WBP2NL: variants seen among roughly 807,000 people sequenced by gnomAD.
WBP2NL encodes the protein postacrosomal sheath WW domain-binding protein.
In WBP2NL, 27 loss-of-function variants were observed where a neutral mutation model predicts 23.3. That is an observed-to-expected ratio of 1.16 (90% CI 0.85 to 1.60). WBP2NL has a LOEUF of 1.60. WBP2NL is among the 40% of genes most tolerant of loss of function. The pLI is 0.00. For missense variants in WBP2NL, 370 were observed against 389.5 expected, an observed-to-expected ratio of 0.95 and a Z score of 0.42; for synonymous variants, 151 against 145.9, an observed-to-expected ratio of 1.03 and a Z score of -0.25.
intron 8 of WBP2NL, among the ~76,000 whole-genome samples, chr22:42,053,345 A>G (rs981372576): frequency 6.6e-6 from 1 of 152,150 alleles, no homozygotes; most frequent in Non-Finnish European, 1.5e-5. Context: ...CTAAGAGTGA[A>G]TTGCTGGATC....
At chr22:42,037,850 A>AGTGT (rs145563548), downstream of WBP2NL, among the ~76,000 whole-genome samples, 816 of 143,806 alleles carry the variant, frequency 5.7e-3, 4 homozygotes, top group African/African-American at 7.1e-3. Context: ...AGAGAGTGAG[A>AGTGT]GTGTGTGTGT....
chr22:42,050,474 C>T (rs574874874), intron 8 of WBP2NL, among the ~76,000 whole-genome samples: 54 of 152,044 alleles, frequency 3.6e-4, no homozygotes, highest in Admixed American at 1.2e-3. Flanking sequence ...GACAAAACCC[C>T]GTCTCTACTA....
chr22:42,048,910 G>A (rs181744077), intron 8 of WBP2NL, among the ~76,000 whole-genome samples: 1 of 152,184 alleles, frequency 6.6e-6, no homozygotes, highest in Non-Finnish European at 1.5e-5. Context: ...TTCTTGCTAA[G>A]ATCAGGAATA....
intron 1 of WBP2NL, among the ~76,000 whole-genome samples, chr22:42,015,510 C>T (rs745313474): frequency 1.1e-4 from 16 of 151,970 alleles, no homozygotes; most frequent in Non-Finnish European, 2.1e-4. Flanking sequence ...TCAAGCAATT[C>T]TCCTGCCTCA....
At chr22:42,022,612 G>A (rs1280105442) in intron 5 of WBP2NL, among the ~76,000 whole-genome samples, 2 of 152,238 alleles carry the variant, frequency 1.3e-5, no homozygotes, top group African/African-American at 4.8e-5. Flanking sequence ...TTAGTGGGAA[G>A]GGTCACTTCC....
intron 1 of WBP2NL, among the ~76,000 whole-genome samples, chr22:42,013,170 C>T (rs1208212738): frequency 1.3e-5 from 2 of 151,626 alleles, no homozygotes; most frequent in African/African-American, 4.8e-5. Flanking sequence ...GCCGGGAGTT[C>T]GAGACCAGCC....
chr22:42,023,341 A>G (rs563338518), intron 5 of WBP2NL, among the ~76,000 whole-genome samples: 1 of 151,994 alleles, frequency 6.6e-6, no homozygotes, highest in Non-Finnish European at 1.5e-5. Context: ...CACAGGCGCA[A>G]TCCACCATGC....
intron 1 of WBP2NL, among the ~76,000 whole-genome samples, chr22:42,011,249 GT>G (rs905039915): frequency 2.0e-5 from 3 of 151,046 alleles, no homozygotes; most frequent in Admixed American, 6.6e-5. Flanking sequence ...TTGTTGAGAG[GT>G]TTTTTTTTCT....
At chr22:42,057,848 C>A (rs5996105) in intron 8 of WBP2NL, among the ~76,000 whole-genome samples, 19 of 77,430 alleles carry the variant, frequency 2.5e-4, no homozygotes, top group African/African-American at 1.1e-3. Flanking sequence ...TATATATATA[C>A]ACATATATGT....
At chr22:42,008,184 C>G (rs1242606251) in intron 1 of WBP2NL, among the ~76,000 whole-genome samples, 1 of 77,966 alleles carries the variant, frequency 1.3e-5, no homozygotes, top group Non-Finnish European at 2.7e-5. Context: ...CCTCCCTTCC[C>G]TCTCCCTCCC....
chr22:42,039,786 A>G (rs1265723397), intron 8 of WBP2NL, among the ~76,000 whole-genome samples: 11 of 151,978 alleles, frequency 7.2e-5, no homozygotes, highest in Admixed American at 7.2e-4. Flanking sequence ...TAAAAAGCCA[A>G]CTTAGTTTTT....
chr22:42,034,284 G>A (rs1037023702), downstream of WBP2NL, among the ~76,000 whole-genome samples: 7 of 152,170 alleles, frequency 4.6e-5, no homozygotes, highest in South Asian at 2.1e-4. Context: ...CCTAAGCGTC[G>A]GCTGACTTGA....
At chr22:42,035,514 T>C (rs1925149466), downstream of WBP2NL, among the ~76,000 whole-genome samples, 1 of 152,278 alleles carries the variant, frequency 6.6e-6, no homozygotes, top group Admixed American at 6.5e-5. Context: ...CCATGGAGCA[T>C]GCAGCCCTGG....
chr22:42,032,483 A>G (rs1047226245), downstream of WBP2NL: 1 of 231,158 alleles, frequency 4.3e-6, no homozygotes, highest in Non-Finnish European at 8.9e-6. Flanking sequence ...GGGTTTACCC[A>G]AAAGGTAATA....
chr22:42,008,088 C>CTTCCTTTCCTTTCCTTTTCCTTTCCT (rs1922424832), intron 1 of WBP2NL, among the ~76,000 whole-genome samples: 4 of 123,782 alleles, frequency 3.2e-5, no homozygotes, highest in Non-Finnish European at 5.1e-5. Flanking sequence ...CTCTTCTCCT[C>CTTCCTTTCCTTTCCTTTTCCTTTCCT]TTCCTTTCCT....
chr22:42,019,761 G>A lies in WBP2NL; in HGVS notation c.271G>A (p.Ala91Thr), dbSNP rs143848821. 3 of 1,614,042 alleles carry A rather than the reference G, an allele frequency of 1.9e-6. No individual in the cohort carries two copies. Among genetic ancestry groups the A allele is most frequent in the African/African-American group, 2.7e-5 (2 of 74,916 alleles). Residue 91 changes from alanine (A) to threonine (T), a missense_variant, in exon 3 of 6, where the codon GCT (alanine) becomes ACT (threonine). Ala to Thr is a moderately conservative substitution (Grantham distance 58, BLOSUM62 0). Coordinates refer to ENST00000328823, the MANE Select transcript of WBP2NL (RefSeq NM_152613.3). ...TNLTVEQPVFAANFIKGTIQA... is the reference protein window; with the variant it reads ...TNLTVEQPVFTANFIKGTIQA... The stretch of plus-strand genomic sequence containing the variant: ...CCTCACTGTTGAACAACCAGTATTT[G>A]CTGCAAACTTCATTAAGGGAACTAT...
At chr22:42,001,043 A>G in intron 1 of WBP2NL, 1 of 741,212 alleles carries the variant, frequency 1.3e-6, no homozygotes, top group South Asian at 1.7e-5. Flanking sequence ...TGCCTGTTCA[A>G]AGGGGGAAAA....
At chr22:42,006,838 G>C (rs1239520420) in intron 1 of WBP2NL, among the ~76,000 whole-genome samples, 1 of 152,198 alleles carries the variant, frequency 6.6e-6, no homozygotes, top group East Asian at 1.9e-4. Flanking sequence ...GTGTTTTGTA[G>C]AGATTTTTTC....
intron 8 of WBP2NL, among the ~76,000 whole-genome samples, chr22:42,047,625 T>TAA (rs1569454783): frequency 4.8e-4 from 71 of 149,440 alleles, no homozygotes; most frequent in African/African-American, 1.5e-3. Context: ...AATCAAATTT[T>TAA]TTTTTTTTTT....
Sources: gnomAD v4.1 joint callset for allele counts (sites outside exome capture counted in the v4.1 genomes callset) on GRCh38, gnomAD v4.1.1 for gene constraint, MANE v1.5 for transcripts, NCBI Gene and HGNC (gene_info 2026-07-23, HGNC 2026-07-21) for gene names.